Variants in ZNF821 observed in about 807,000 individuals in gnomAD.
ZNF821 encodes zinc finger protein 821.
ZNF821 carries 16 observed loss-of-function variants against 44.3 expected under a neutral mutation model. The ratio of observed to expected loss-of-function variants is 0.36; its 90% CI spans 0.24 to 0.55. ZNF821 has a LOEUF of 0.55. Ranked by LOEUF, ZNF821 falls within the 20% of genes least tolerant of loss-of-function variation. The probability of loss-of-function intolerance (pLI) is 0.86; values close to 1 mark genes in which losing one functional copy is unlikely to be tolerated. For synonymous variants in ZNF821, 204 were observed against 197.6 expected (o/e 1.03, Z -0.27); for missense variants, 436 against 547.6 (o/e 0.80, Z 2.03).
At chr16:71,878,284 T>C (rs1370786137) in intron 3 of ZNF821, among the ~76,000 whole-genome samples, 2 of 151,822 alleles carry the variant, frequency 1.3e-5, no homozygotes, top group Non-Finnish European at 2.9e-5. Context: ...GTTAATTTTT[T>C]TTGTATTTTT....
At position 71,860,103 on chromosome 16, in the gene ZNF821, T is replaced by TG; in HGVS notation, c.1153dup (p.Gln385ProfsTer20). ...CAACTCCACCCCACTTACAGGCAGC[T>TG]GGAAGAAGTTCATTTCAGCTGCTAA... On this transcript the variant is annotated frameshift_variant, in exon 8 of 8. Coordinates refer to ENST00000425432, the MANE Select transcript of ZNF821 (RefSeq NM_001201552.2). LOFTEE classifies it high-confidence loss of function. This position sits in a 1 kb window ranked among gnomAD's most constrained non-coding sequence, Gnocchi z 7.3. The TG allele has an allele frequency of 1.2e-6, 2 of 1,614,252 alleles. No homozygotes were observed. The highest frequency in any genetic ancestry group is 1.7e-6 in the Non-Finnish European group (2 of 1,180,046).
intron 1 of ZNF821, among the ~76,000 whole-genome samples, chr16:71,892,879 G>A (rs1396757305): frequency 1.3e-5 from 2 of 150,988 alleles, no homozygotes; most frequent in African/African-American, 2.4e-5. Flanking sequence ...ACAGGCGCCC[G>A]CCACCATGCC....
At chr16:71,861,567 T>C (rs760470592) in intron 7 of ZNF821, among the ~76,000 whole-genome samples, 13 of 152,252 alleles carry the variant, frequency 8.5e-5, no homozygotes, top group Non-Finnish European at 1.9e-4. Flanking sequence ...GTTGAAGATA[T>C]TCTGATGGGA....
At chr16:71,882,724 G>T (rs1283027103) in intron 2 of ZNF821, among the ~76,000 whole-genome samples, 2 of 152,146 alleles carry the variant, frequency 1.3e-5, no homozygotes, top group African/African-American at 2.4e-5. Flanking sequence ...AGGCCTGTGG[G>T]GTCATGGGCT....
At position 71,864,922 on chromosome 16, in the gene ZNF821, T is replaced by C. The variant is rs372280236; in HGVS notation, c.293A>G (p.Asn98Ser). 4 of 1,614,176 alleles carry C rather than the reference T, an allele frequency of 2.5e-6. No individual in the cohort carries two copies. The highest frequency in any genetic ancestry group is 3.4e-6 in the Non-Finnish European group (4 of 1,180,042). ...LENTEQPVGG[N>S]EVVEHEVTGN... ...ACTTGCCTCGTGCTCTACCACTTCG[T>C]TCCCACCAACAGGCTGTTCTGTATT... The change falls in exon 5 of 8, where the codon AAC (asparagine) becomes AGC (serine). Residue 98 changes from asparagine to serine, a missense_variant. Around this residue, in one of 5 missense-constraint regions of ZNF821, gnomAD observed 238 missense variants for 281.4 expected, o/e 0.85. Coordinates refer to ENST00000425432, the MANE Select transcript of ZNF821 (RefSeq NM_001201552.2).
At chr16:71,892,268 A>C (rs916788020) in intron 1 of ZNF821, among the ~76,000 whole-genome samples, 3 of 130,936 alleles carry the variant, frequency 2.3e-5, no homozygotes, top group African/African-American at 8.3e-5. Flanking sequence ...CTTTTAGCTT[A>C]TCTTTTTTCA....
At chr16:71,866,245 T>C (rs2034528344) in intron 4 of ZNF821, among the ~76,000 whole-genome samples, 1 of 152,202 alleles carries the variant, frequency 6.6e-6, no homozygotes, top group African/African-American at 2.4e-5. Context: ...AATATCTAAA[T>C]CCACCAGTAT....
chr16:71,867,136 C>T (rs2034634443), intron 4 of ZNF821, among the ~76,000 whole-genome samples: 1 of 152,214 alleles, frequency 6.6e-6, no homozygotes, highest in Non-Finnish European at 1.5e-5. Context: ...ATTTTATACA[C>T]TGCATAACCT....
rs776124061 is a variant in ZNF821 at position 71,879,977 on chromosome 16, CCAG to C, written c.-34_-32del. 2 of 1,610,214 alleles carry C rather than the reference CCAG, an allele frequency of 1.2e-6. No homozygotes were observed. The highest frequency in any genetic ancestry group is 2.7e-5 in the African/African-American group (2 of 74,870). On this transcript the variant is annotated 5_prime_UTR_variant, in exon 3 of 8. Coordinates refer to ENST00000425432, the MANE Select transcript of ZNF821 (RefSeq NM_001201552.2). Reference sequence around the variant, plus strand: ...CCTGATGCAAGAGCTCTGGTCTTTCCCAGTTTCACGACTGGATATGTTACTACC... The same window carrying C: ...CCTGATGCAAGAGCTCTGGTCTTTCCTTTCACGACTGGATATGTTACTACC...
chr16:71,894,823 T>C, intron 1 of ZNF821: 1 of 1,534,150 alleles, frequency 6.5e-7, no homozygotes, highest in Non-Finnish European at 8.7e-7. Flanking sequence ...CTTCCAGGCT[T>C]AAGCAGCGAT....
At chr16:71,873,928 C>T (rs2035508551) in intron 3 of ZNF821, among the ~76,000 whole-genome samples, 2 of 150,474 alleles carry the variant, frequency 1.3e-5, no homozygotes, top group South Asian at 2.1e-4. Context: ...GCTGAGATTA[C>T]AGGTGTGAGC....
intron 3 of ZNF821, among the ~76,000 whole-genome samples, chr16:71,874,560 C>T (rs549991704): frequency 6.6e-6 from 1 of 151,988 alleles, no homozygotes; most frequent in East Asian, 1.9e-4. Flanking sequence ...TTCAAGCAAT[C>T]CTCCTGCCTC....
upstream of ZNF821, among the ~76,000 whole-genome samples, chr16:71,887,206 T>G (rs1246955010): frequency 6.6e-6 from 1 of 151,790 alleles, no homozygotes; most frequent in East Asian, 1.9e-4. Flanking sequence ...CATGGGTGCA[T>G]ACATATATCT....
At chr16:71,876,484 C>T (rs983571187) in intron 3 of ZNF821, among the ~76,000 whole-genome samples, 6 of 152,334 alleles carry the variant, frequency 3.9e-5, no homozygotes, top group South Asian at 2.1e-4. Flanking sequence ...GGATTACAGG[C>T]GTGCACCACC....
rs532229427 is a variant in ZNF821, at chr16:71,872,924, T to G, written c.41-4887A>C. ...AATCTGAAAGCAAAAGTCTCTCAAG[T>G]AAAAGAGGTTTTCATTTGCTTAGTG... On this transcript the variant is annotated intron_variant, in intron 3 of 7. Transcript: ENST00000425432. 2.6e-5 allele frequency among the ~76,000 whole-genome samples: 4 copies of G among 152,308 alleles called. No homozygotes were observed. The South Asian group carries it at 8.3e-4, about 32-fold the overall frequency.
At position 71,860,996 on chromosome 16, in the gene ZNF821, C is replaced by T. The variant is rs1482091121; in HGVS notation, c.585-324G>A. ...TCAGCCTCCTGAGTAGCTGGGATTA[C>T]AGGCGCACGCCACCACGCCCGGCTA... is the stretch of plus-strand genomic sequence containing the variant. On this transcript the variant is annotated intron_variant, in intron 7 of 7. Coordinates refer to ENST00000425432, the MANE Select transcript of ZNF821 (RefSeq NM_001201552.2). This position sits in a 1 kb window ranked among gnomAD's most constrained non-coding sequence, Gnocchi z 7.3. Among the ~76,000 whole-genome samples the T allele has an allele frequency of 1.3e-5, 2 of 152,080 alleles. No homozygotes were observed. The highest frequency in any genetic ancestry group is 4.8e-5 in the African/African-American group (2 of 41,412).
upstream of ZNF821, chr16:71,884,903 G>C (rs1262463408): frequency 6.8e-6 from 1 of 147,260 alleles, no homozygotes; most frequent in Non-Finnish European, 1.5e-5. Flanking sequence ...TGTCACCCAG[G>C]CTGCAATGCA....
chr16:71,860,856 CTTT>C lies in ZNF821; in HGVS notation c.585-187_585-185del, dbSNP rs36005705. On this transcript the variant is annotated intron_variant, in intron 7 of 7. Coordinates refer to ENST00000425432, the MANE Select transcript of ZNF821 (RefSeq NM_001201552.2). The surrounding 1 kb of genome is among the most constrained non-coding windows in gnomAD (Gnocchi z 7.3). ...TCTTCGCGTGAGAGTTGTCTACCAA[CTTT>C]TTTTTTTTTTTTTTGAGACAGAGTC... is the stretch of plus-strand genomic sequence containing the variant. Among the ~76,000 whole-genome samples the C allele has an allele frequency of 1.5e-5, 2 of 135,944 alleles. No individual in the cohort carries two copies. Among genetic ancestry groups the C allele is most frequent in the Non-Finnish European group, 1.6e-5 (1 of 63,846 alleles). The allele number at this position is 135,944 out of a possible 152,430, so 89.2% of individuals were successfully genotyped here.
intron 3 of ZNF821, among the ~76,000 whole-genome samples, chr16:71,877,213 C>T (rs2035917326): frequency 6.6e-6 from 1 of 152,038 alleles, no homozygotes; most frequent in South Asian, 2.1e-4. Flanking sequence ...TTGAAGTAAC[C>T]CAGTAAGATT....
Sources: allele counts gnomAD v4.1 joint callset (sites outside exome capture counted in the v4.1 genomes callset), GRCh38; gene constraint gnomAD v4.1.1; regional missense constraint gnomAD v4.1.1; non-coding constraint Gnocchi (gnomAD v3.1); transcripts MANE v1.5; gene names NCBI Gene and HGNC (gene_info 2026-07-23, HGNC 2026-07-21).